Variants in ARHGEF10L observed in about 807,000 individuals in gnomAD.
ARHGEF10L encodes rho guanine nucleotide exchange factor 10-like protein.
ARHGEF10L carries 69 observed loss-of-function variants against 141.2 expected under a neutral mutation model. That is an observed-to-expected ratio of 0.49 (90% CI 0.40 to 0.60). The LOEUF is 0.60. Ranked by LOEUF, ARHGEF10L falls within the 20% of genes least tolerant of loss-of-function variation. The pLI, the probability that ARHGEF10L is intolerant of heterozygous loss-of-function variation, is 0.00. For synonymous variants in ARHGEF10L, 711 were observed against 718.5 expected, an observed-to-expected ratio of 0.99 and a Z score of 0.17; for missense variants, 1,482 against 1,734.3, an observed-to-expected ratio of 0.85 and a Z score of 2.58.
At position 17,656,350 on chromosome 1, in the gene ARHGEF10L, C is replaced by A. The variant is rs1040763868; in HGVS notation, c.2706-204C>A. Among the ~76,000 whole-genome samples the A allele has an allele frequency of 1.3e-5, 2 of 152,212 alleles. No individual in the cohort carries two copies. The highest frequency in any genetic ancestry group is 4.8e-5 in the African/African-American group (2 of 41,454). ...TTGCCTCCCTGAGTCCTCTTCGTGACAGAGGTGTCAGGGAGGGTACCGTCC... is the reference window on the plus strand; with the variant it reads ...TTGCCTCCCTGAGTCCTCTTCGTGAAAGAGGTGTCAGGGAGGGTACCGTCC... On this transcript the variant is annotated intron_variant, in intron 24 of 28. Transcript: ENST00000361221. This position sits in a 1 kb window ranked among gnomAD's most constrained non-coding sequence, Gnocchi z 4.9.
chr1:17,648,764 A>G, intron 22 of ARHGEF10L, 89 bp downstream of exon 22: 1 of 1,522,680 alleles, frequency 6.6e-7, no homozygotes, highest in Non-Finnish European at 8.9e-7. Flanking sequence ...GGGAGCGCCC[A>G]CAGCAGGGAA....
chr1:17,697,122 G>T lies in ARHGEF10L; in HGVS notation c.3582G>T (p.Ala1194=). 6.2e-7 allele frequency: 1 copy of T among 1,610,498 alleles called. No individual in the cohort carries two copies. Among genetic ancestry groups the T allele is most frequent in the Non-Finnish European group, 8.5e-7 (1 of 1,178,522 alleles). Reference sequence around the variant, plus strand: ...CGCTGCTCTCCATGCGGGAGCCGGCGCCTGCTGATGGCGCAGCTTTGGAGC... The same window carrying T: ...CGCTGCTCTCCATGCGGGAGCCGGCTCCTGCTGATGGCGCAGCTTTGGAGC... ...PGPLLSMREP[A]PADGAALEHS... The change falls in exon 29 of 29, where the codon GCG becomes GCT. Residue 1194 remains alanine, a synonymous_variant. Transcript: ENST00000361221. This position sits in a 1 kb window ranked among gnomAD's most constrained non-coding sequence, Gnocchi z 4.8.
At chr1:17,684,223 A>T (rs2064376242) in intron 26 of ARHGEF10L, among the ~76,000 whole-genome samples, 1 of 152,192 alleles carries the variant, frequency 6.6e-6, no homozygotes, top group African/African-American at 2.4e-5. Context: ...GCAAGGCCTC[A>T]TGGGAGGTTT....
intron 1 of ARHGEF10L, among the ~76,000 whole-genome samples, chr1:17,551,462 A>C (rs2077108261): frequency 6.6e-6 from 1 of 152,150 alleles, no homozygotes; most frequent in South Asian, 2.1e-4. Context: ...AGGGAATAGC[A>C]GGGCCATGTC....
At chr1:17,579,765 TAGG>T (rs2078400108) in intron 1 of ARHGEF10L, among the ~76,000 whole-genome samples, 1 of 152,132 alleles carries the variant, frequency 6.6e-6, no homozygotes, top group South Asian at 2.1e-4. Flanking sequence ...ACAAGATGTC[TAGG>T]AGGACAGCCC....
chr1:17,626,345 A>G (rs1265155161), intron 14 of ARHGEF10L, among the ~76,000 whole-genome samples: 3 of 152,140 alleles, frequency 2.0e-5, no homozygotes, highest in Non-Finnish European at 4.4e-5. Flanking sequence ...GGCTCCTGGC[A>G]TGGAGGAGAT....
intron 26 of ARHGEF10L, among the ~76,000 whole-genome samples, chr1:17,665,236 G>A (rs570967472): frequency 7.2e-5 from 11 of 152,346 alleles, no homozygotes; most frequent in South Asian, 4.1e-4. Context: ...GCAATGAGTC[G>A]CCACCTGGCC....
At chr1:17,663,066 C>T (rs2062730065) in intron 25 of ARHGEF10L, among the ~76,000 whole-genome samples, 1 of 152,228 alleles carries the variant, frequency 6.6e-6, no homozygotes, top group South Asian at 2.1e-4. Flanking sequence ...GACAGGGCAG[C>T]CACCGGGGTT....
intron 22 of ARHGEF10L, among the ~76,000 whole-genome samples, chr1:17,650,698 A>C (rs1251576566): frequency 6.7e-6 from 1 of 148,388 alleles, no homozygotes; most frequent in Non-Finnish European, 1.5e-5. Flanking sequence ...ATGCCACTGC[A>C]TTCCAGCCTG....
At chr1:17,575,357 C>A (rs1174659936) in intron 1 of ARHGEF10L, among the ~76,000 whole-genome samples, 1 of 152,244 alleles carries the variant, frequency 6.6e-6, no homozygotes, top group Non-Finnish European at 1.5e-5. Flanking sequence ...AACTGGAAAC[C>A]ACTGTGTGAA....
intron 26 of ARHGEF10L, among the ~76,000 whole-genome samples, chr1:17,679,923 G>C (rs754660728): frequency 5.9e-5 from 9 of 152,222 alleles, no homozygotes; most frequent in Non-Finnish European, 1.2e-4. Context: ...CCCAGGGCCA[G>C]CTCGGTGGTG....
At chr1:17,686,658 C>T (rs2064627647) in intron 26 of ARHGEF10L, among the ~76,000 whole-genome samples, 1 of 152,140 alleles carries the variant, frequency 6.6e-6, no homozygotes, top group Admixed American at 6.5e-5. Flanking sequence ...TGTGGTACAT[C>T]TTGAGCATTG....
chr1:17,538,595 C>T (rs1404740581), upstream of ARHGEF10L, among the ~76,000 whole-genome samples: 1 of 151,868 alleles, frequency 6.6e-6, no homozygotes, highest in Admixed American at 6.6e-5. Flanking sequence ...GCGTCTTCTC[C>T]TAAGCCTATG....
At position 17,639,732 on chromosome 1, in the gene ARHGEF10L, C is replaced by G; in HGVS notation, c.2172-470C>G. ...GGTGCTTAACCTGATTCATTCATTT[C>G]TTCATTCATTCCTGTGTCCACTCAG... On this transcript the variant is annotated intron_variant, in intron 20 of 28. Coordinates refer to ENST00000361221, the MANE Select transcript of ARHGEF10L (RefSeq NM_018125.4). The surrounding 1 kb of genome is among the most constrained non-coding windows in gnomAD (Gnocchi z 4.3). 1 of 746,258 alleles carries G rather than the reference C, an allele frequency of 1.3e-6. No homozygotes were observed. The highest frequency in any genetic ancestry group is 2.0e-6 in the Non-Finnish European group (1 of 494,794). 46.2% of individuals were successfully genotyped at this position (746,258 alleles called of 1,614,324 possible). A position where few individuals can be genotyped will look rare whatever the true frequency, so the allele number is the denominator to read the frequency against.
the ARHGEF10L span, among the ~76,000 whole-genome samples, chr1:17,518,951 C>G: frequency 1.3e-4 from 20 of 151,808 alleles, no homozygotes; most frequent in Non-Finnish European, 7.4e-5. Flanking sequence ...GGGTGGATCA[C>G]CTGAGGCTGG....
chr1:17,576,316 A>G (rs1428001871), intron 1 of ARHGEF10L, among the ~76,000 whole-genome samples: 4 of 151,816 alleles, frequency 2.6e-5, no homozygotes, highest in African/African-American at 7.3e-5. Context: ...CCAGGAAGAC[A>G]CCTGCTGTGA....
At chr1:17,692,296 A>T (rs2065162638) in intron 27 of ARHGEF10L, among the ~76,000 whole-genome samples, 1 of 151,928 alleles carries the variant, frequency 6.6e-6, no homozygotes, top group Non-Finnish European at 1.5e-5. Flanking sequence ...GGACGCTATG[A>T]ATGTGATTTT....
At chr1:17,600,314 G>A (rs926969371) in intron 4 of ARHGEF10L, among the ~76,000 whole-genome samples, 1 of 152,240 alleles carries the variant, frequency 6.6e-6, no homozygotes, top group African/African-American at 2.4e-5. Flanking sequence ...AGGAAGGGAA[G>A]TTCAAGTTGA....
intron 26 of ARHGEF10L, among the ~76,000 whole-genome samples, chr1:17,674,243 A>G (rs558372413): frequency 6.6e-6 from 1 of 152,130 alleles, no homozygotes; most frequent in Middle Eastern, 3.4e-3. Context: ...GGCTCCAGTT[A>G]CCCCTGGGAC....
Sources: gnomAD v4.1 joint callset for allele counts (sites outside exome capture counted in the v4.1 genomes callset) on GRCh38, gnomAD v4.1.1 for gene constraint, Gnocchi (gnomAD v3.1) non-coding constraint, MANE v1.5 for transcripts, NCBI Gene and HGNC (gene_info 2026-07-23, HGNC 2026-07-21) for gene names.